Variants in FREM2 observed in about 807,000 individuals in gnomAD.
The protein encoded by FREM2 is FRAS1 related extracellular matrix 2.
Under a neutral mutation model 219.9 loss-of-function variants are expected in FREM2, and 119 were observed. The observed-to-expected ratio is 0.54, with a 90% CI of 0.47 to 0.63. The LOEUF is 0.63. FREM2 is among the 30% of genes least tolerant of loss of function. The pLI is 0.00. For missense variants in FREM2, 4,030 were observed against 3,993.6 expected, an observed-to-expected ratio of 1.01 and a Z score of -0.25; for synonymous variants, 1,562 against 1,522.8, an observed-to-expected ratio of 1.03 and a Z score of -0.60.
rs551843176 is a variant in FREM2 at position 38,864,769 on chromosome 13, G to C, written c.7983+163G>C. ...ACTGGCATGGATGGTGTGAAAATCC[G>C]TGTCTATTTCTTAACAATGGGCCAG... On this transcript the variant is annotated intron_variant, in intron 16 of 23. Coordinates refer to ENST00000280481, the MANE Select transcript of FREM2 (RefSeq NM_207361.6). The C allele has an allele frequency of 2.2e-5, 15 of 692,352 alleles. 1 individual carries two copies. The South Asian group carries it at 2.3e-4, about 11-fold the overall frequency. 42.9% of individuals were successfully genotyped at this position (692,352 alleles called of 1,614,324 possible). A position where few individuals can be genotyped will look rare whatever the true frequency, so the allele number is the denominator to read the frequency against.
rs1161226313 is a variant in FREM2, at chr13:38,738,600, GA to G, written c.5264-25696del. On this transcript the variant is annotated intron_variant, in intron 2 of 23. Transcript: ENST00000280481. The stretch of plus-strand genomic sequence containing the variant: ...AAAAAAAAAAAAAAAAAGAGAGATA[GA>G]AAAAAAAGGAAAGGGGATGATCTTG... 8.7e-5 allele frequency among the ~76,000 whole-genome samples: 12 copies of G among 137,934 alleles called. No homozygotes were observed. In the South Asian group the frequency reaches 2.7e-3, roughly 31 times the overall value. 90.5% of individuals were successfully genotyped at this position (137,934 alleles called of 152,430 possible). A position where few individuals can be genotyped will look rare whatever the true frequency, so the allele number is the denominator to read the frequency against.
At chr13:38,752,356 GC>G (rs1872806690) in intron 2 of FREM2, among the ~76,000 whole-genome samples, 1 of 152,200 alleles carries the variant, frequency 6.6e-6, no homozygotes, top group South Asian at 2.1e-4. Context: ...TCTTGATTTT[GC>G]CGCTGAAAAC....
intron 21 of FREM2, 28 bp from the exon 22 acceptor site, chr13:38,878,106 A>G (rs750082992): frequency 3.2e-6 from 5 of 1,583,822 alleles, no homozygotes; most frequent in Non-Finnish European, 4.3e-6. Flanking sequence ...CATATAACAG[A>G]AATAACATTT....
intron 6 of FREM2, among the ~76,000 whole-genome samples, chr13:38,792,191 A>T (rs866717735): frequency 2.6e-5 from 4 of 152,110 alleles, no homozygotes; most frequent in South Asian, 2.1e-4. Flanking sequence ...TACTAAAAAT[A>T]CAAAAAACTT....
intron 12 of FREM2, 109 bp downstream of exon 12, chr13:38,856,365 T>A (rs1339514390): frequency 4.1e-6 from 4 of 986,006 alleles, no homozygotes; most frequent in Non-Finnish European, 6.4e-6. Context: ...GAACAAGCCT[T>A]ACGTGAAAGA....
chr13:38,864,666 CAT>C, intron 16 of FREM2, 60 bp downstream of exon 16: 1 of 1,470,016 alleles, frequency 6.8e-7, no homozygotes. Context: ...TGTTTTGTCA[CAT>C]AGATTTGTAC....
chr13:38,691,309 TCAA>T lies in FREM2; in HGVS notation c.3972_3974del (p.Asn1324del). 1 of 1,614,026 alleles carries T rather than the reference TCAA, an allele frequency of 6.2e-7. No homozygotes were observed. The highest frequency in any genetic ancestry group is 8.5e-7 in the Non-Finnish European group (1 of 1,179,916). ...ATAGAAATTGGGGATACCAAGATTA[TCAA>T]CAACAAAATATTAATGGCAACAGAT... On this transcript the variant is annotated inframe_deletion, in exon 1 of 24. Transcript: ENST00000280481.
chr13:38,730,608 C>G (rs985136588), intron 2 of FREM2, among the ~76,000 whole-genome samples: 1 of 152,172 alleles, frequency 6.6e-6, no homozygotes, highest in African/African-American at 2.4e-5. Flanking sequence ...TTATACCTGA[C>G]CTCTTCCTCA....
intron 6 of FREM2, among the ~76,000 whole-genome samples, chr13:38,785,185 G>A (rs1202333842): frequency 2.0e-5 from 3 of 152,060 alleles, no homozygotes; most frequent in Admixed American, 2.0e-4. Context: ...TAATCTCAGT[G>A]TTTGAAACTG....
Position 38,717,439 on chromosome 13 carries a change from C to T in FREM2, c.5263+19652C>T, listed in dbSNP as rs184711016. 8.5e-4 allele frequency among the ~76,000 whole-genome samples: 33 copies of T among 38,772 alleles called. 1 individual carries two copies. In the East Asian group the frequency reaches 0.023, roughly 27 times the overall value. 25.4% of individuals were successfully genotyped at this position (38,772 alleles called of 152,430 possible). ...TTTTTTTTTTTTTTTTTTTTTGAGA[C>T]TGTGTCTTGCTCTGTCGCCCAGGCT... On this transcript the variant is annotated intron_variant, in intron 2 of 23. Transcript: ENST00000280481.
intron 2 of FREM2, among the ~76,000 whole-genome samples, chr13:38,748,450 T>A (rs1231952847): frequency 1.3e-5 from 2 of 152,206 alleles, no homozygotes; most frequent in African/African-American, 4.8e-5. Flanking sequence ...CTGCATGTGA[T>A]TGATACTGCA....
At chr13:38,842,656 C>T (rs2137901907) in intron 6 of FREM2, among the ~76,000 whole-genome samples, 1 of 152,332 alleles carries the variant, frequency 6.6e-6, no homozygotes, top group Non-Finnish European at 1.5e-5. Flanking sequence ...TCTATGCGCA[C>T]TTGAGTAAAT....
At chr13:38,749,023 C>T (rs1872596533) in intron 2 of FREM2, among the ~76,000 whole-genome samples, 1 of 152,118 alleles carries the variant, frequency 6.6e-6, no homozygotes, top group African/African-American at 2.4e-5. Context: ...AACTTGTGTT[C>T]AGTGCCCAGT....
intron 2 of FREM2, among the ~76,000 whole-genome samples, chr13:38,749,176 A>G (rs1174285800): frequency 1.3e-5 from 2 of 152,190 alleles, no homozygotes; most frequent in Non-Finnish European, 2.9e-5. Flanking sequence ...AATCTAAATC[A>G]TGCATACAGT....
rs1374991841 is a variant in FREM2, at chr13:38,784,564, A to T, written c.5775A>T (p.Ala1925=). 3.7e-6 allele frequency: 6 copies of T among 1,614,020 alleles called. No individual in the cohort carries two copies. In the Admixed American group the frequency reaches 1.0e-4, roughly 27 times the overall value. ...AATTCTCTCTGCTTCCAGGAACAGC[A>T]ACTGGAACTGTGCCGACTTCCGTGT... The part of the protein sequence containing the change: ...MVVCYTQQGT[A]TGTVPTSVLS... Residue 1925 remains alanine (A), a synonymous_variant, in exon 6 of 24, where the codon GCA becomes GCT. Transcript: ENST00000280481.
intron 2 of FREM2, among the ~76,000 whole-genome samples, chr13:38,757,925 A>G (rs572221083): frequency 7.9e-5 from 12 of 152,152 alleles, no homozygotes; most frequent in African/African-American, 1.9e-4. Flanking sequence ...CCAAGTCTCC[A>G]TATTTGTTTG....
intron 2 of FREM2, among the ~76,000 whole-genome samples, chr13:38,700,621 G>A (rs923158081): frequency 3.3e-5 from 5 of 152,038 alleles, no homozygotes; most frequent in African/African-American, 1.2e-4. Context: ...AAAAAACTTA[G>A]TATGATTTCT....
At position 38,880,956 on chromosome 13, in the gene FREM2, T is replaced by G. The variant is rs1878525288; in HGVS notation, c.*169T>G. 1 of 854,634 alleles carries G rather than the reference T, an allele frequency of 1.2e-6. No individual in the cohort carries two copies. The highest frequency in any genetic ancestry group is 2.1e-5 in the Admixed American group (1 of 47,382). The allele number at this position is 854,634 out of a possible 1,614,324, so 52.9% of individuals were successfully genotyped here. ...GATTTGAATTCTCCATACTCTTTTT[T>G]GCATCAAAGGACAAATTAAGGCATC... On this transcript the variant is annotated 3_prime_UTR_variant, in exon 24 of 24. Transcript: ENST00000280481.
At chr13:38,778,603 A>G (rs1873974893) in intron 4 of FREM2, among the ~76,000 whole-genome samples, 2 of 152,152 alleles carry the variant, frequency 1.3e-5, no homozygotes, top group African/African-American at 2.4e-5. Context: ...ATGAGAATAG[A>G]TGGACACATA....
Sources: gnomAD v4.1 joint callset for allele counts (sites outside exome capture counted in the v4.1 genomes callset) on GRCh38, gnomAD v4.1.1 for gene constraint, MANE v1.5 for transcripts, NCBI Gene and HGNC (gene_info 2026-07-23, HGNC 2026-07-21) for gene names.